The following GARIN5A variants were observed in gnomAD, a reference collection of about 807,000 sequenced individuals.
The protein encoded by GARIN5A is golgi associated RAB2 interactor 5A, also known as Golgi-associated RAB2 interactor protein 5A.
chr19:50,475,205 G>C, the GARIN5A span: 17 of 1,395,188 alleles, frequency 1.2e-5, no homozygotes, highest in Non-Finnish European at 1.6e-5. Flanking sequence ...CTCAGGGAGG[G>C]CCGGTAGCAC....
chr19:50,470,375 T>C, the GARIN5A span, among the ~76,000 whole-genome samples: 2 of 151,970 alleles, frequency 1.3e-5, no homozygotes, highest in Admixed American at 1.3e-4. Flanking sequence ...TAGCTGGGTG[T>C]GGTGGCACAT....
chr19:50,476,132 G>A, the GARIN5A span: 3 of 1,613,076 alleles, frequency 1.9e-6, no homozygotes, highest in African/African-American at 1.3e-5. Flanking sequence ...TCTCTCACCT[G>A]CCATCCCACC....
At chr19:50,476,306 T>C in the GARIN5A span, 2 of 1,596,612 alleles carry the variant, frequency 1.3e-6, no homozygotes, top group Non-Finnish European at 1.7e-6. Context: ...CTTTATGACG[T>C]CACACAAGAG....
the GARIN5A span, chr19:50,467,718 G>T: frequency 1.9e-6 from 3 of 1,601,510 alleles, no homozygotes; most frequent in South Asian, 3.4e-5. Flanking sequence ...CTCGGGTCTT[G>T]AGTGGGGCCC....
the GARIN5A span, chr19:50,467,858 T>C: frequency 1.2e-6 from 2 of 1,607,316 alleles, no homozygotes; most frequent in Non-Finnish European, 1.7e-6. Context: ...CGGCCTCAGG[T>C]TCTGACCCTG....
At chr19:50,470,185 T>G in the GARIN5A span, among the ~76,000 whole-genome samples, 7 of 152,278 alleles carry the variant, frequency 4.6e-5, no homozygotes, top group Non-Finnish European at 1.0e-4. Flanking sequence ...GCTTGGTGTC[T>G]AAGACAGCAG....
chr19:50,475,433 G>A, the GARIN5A span: 2 of 1,608,636 alleles, frequency 1.2e-6, no homozygotes, highest in Non-Finnish European at 8.5e-7. Flanking sequence ...GACCTCGTTG[G>A]CAACTTCTCC....
the GARIN5A span, chr19:50,476,276 A>G: frequency 8.1e-4 from 1,308 of 1,607,926 alleles, 15 homozygotes; most frequent in African/African-American, 0.015. Flanking sequence ...GCGCACTGTG[A>G]CGTCATGATG....
At chr19:50,476,419 G>T in the GARIN5A span, 1 of 1,547,944 alleles carries the variant, frequency 6.5e-7, no homozygotes, top group Non-Finnish European at 8.7e-7. Flanking sequence ...GGTGCGGACG[G>T]GTGCCAGTGC....
the GARIN5A span, among the ~76,000 whole-genome samples, chr19:50,470,618 G>A: frequency 6.6e-6 from 1 of 151,874 alleles, no homozygotes; most frequent in Non-Finnish European, 1.5e-5. Context: ...CGAGGGGGTG[G>A]GCGCAGGGAG....
chr19:50,472,653 G>C, the GARIN5A span, among the ~76,000 whole-genome samples: 1 of 152,168 alleles, frequency 6.6e-6, no homozygotes, highest in Non-Finnish European at 1.5e-5. Flanking sequence ...CCAGCACTTT[G>C]GGAGGTTGAG....
chr19:50,467,755 G>A, the GARIN5A span: 2 of 1,610,682 alleles, frequency 1.2e-6, no homozygotes, highest in Non-Finnish European at 1.7e-6. Context: ...GGTGCGGCTG[G>A]TGTTCAACTT....
the GARIN5A span, among the ~76,000 whole-genome samples, chr19:50,470,759 A>G: frequency 6.8e-6 from 1 of 147,042 alleles, no homozygotes; most frequent in Non-Finnish European, 1.5e-5. Flanking sequence ...GGTTCAAGTG[A>G]TTCTCCTGCC....
the GARIN5A span, among the ~76,000 whole-genome samples, chr19:50,472,206 ATACATGTG>A: frequency 2.1e-5 from 3 of 143,480 alleles, no homozygotes; most frequent in Admixed American, 7.0e-5. Flanking sequence ...GTGCATGTAT[ATACATGTG>A]TGTATGTATA....
the GARIN5A span, among the ~76,000 whole-genome samples, chr19:50,472,176 A>T: frequency 7.0e-6 from 1 of 142,960 alleles, no homozygotes; most frequent in Non-Finnish European, 1.5e-5. Flanking sequence ...ACGTGTGTAT[A>T]TGTATGTATA....
chr19:50,472,062 G>A, the GARIN5A span, among the ~76,000 whole-genome samples: 1 of 134,276 alleles, frequency 7.4e-6, no homozygotes, highest in Non-Finnish European at 1.5e-5. Flanking sequence ...ATACGTGTGT[G>A]TATATGTGTA....
At chr19:50,474,804 G>GA in the GARIN5A span, among the ~76,000 whole-genome samples, 1 of 152,072 alleles carries the variant, frequency 6.6e-6, no homozygotes, top group East Asian at 1.9e-4. Context: ...CTTTTTCAAT[G>GA]AAAAAATATG....
At chr19:50,475,859 G>C in the GARIN5A span, 4 of 1,613,762 alleles carry the variant, frequency 2.5e-6, no homozygotes, top group Admixed American at 3.3e-5. Context: ...TCAAAGATGG[G>C]GAAGTCCCGA....
the GARIN5A span, among the ~76,000 whole-genome samples, chr19:50,472,056 G>GTGTGTGTATATGTGTATATATACA: frequency 7.8e-6 from 1 of 127,648 alleles, no homozygotes; most frequent in Non-Finnish European, 1.6e-5. Context: ...GTATATATAC[G>GTGTGTGTATATGTGTATATATACA]TGTGTGTATA....
Sources: allele counts gnomAD v4.1 joint callset (sites outside exome capture counted in the v4.1 genomes callset), GRCh38; gene constraint gnomAD v4.1.1; transcripts MANE v1.5; gene names NCBI Gene and HGNC (gene_info 2026-07-23, HGNC 2026-07-21).